Variants in ZNF730 observed in about 807,000 individuals in gnomAD.
ZNF730 encodes the protein putative zinc finger protein 730.
ZNF730 carries 12 observed loss-of-function variants against 12.6 expected under a neutral mutation model. That is an observed-to-expected ratio of 0.95 (90% CI 0.61 to 1.54). ZNF730 has a LOEUF of 1.54. Among genes scored for constraint, ZNF730 ranks in the 40% most tolerant of loss-of-function variants. The pLI is 0.00. For missense variants in ZNF730, 643 were observed against 583.5 expected (o/e 1.10, Z -1.05); for synonymous variants, 194 against 195.8 (o/e 0.99, Z 0.08).
At chr19:23,127,906 A>G (rs1176571638) in intron 1 of ZNF730, 1 of 677,466 alleles carries the variant, frequency 1.5e-6, no homozygotes, top group Middle Eastern at 4.3e-4. Flanking sequence ...TAAACTGCCA[A>G]AATATGATGT....
intron 1 of ZNF730, among the ~76,000 whole-genome samples, chr19:23,080,091 A>C (rs1401995168): frequency 6.6e-6 from 1 of 151,918 alleles, no homozygotes; most frequent in Non-Finnish European, 1.5e-5. Context: ...GATTACAGGC[A>C]CGCGCCACCA....
At chr19:23,102,859 C>G (rs1320509206) in intron 1 of ZNF730, among the ~76,000 whole-genome samples, 1 of 152,146 alleles carries the variant, frequency 6.6e-6, no homozygotes, top group Non-Finnish European at 1.5e-5. Context: ...TTTCTTATAG[C>G]TAGGCTTAAA....
intron 3 of ZNF730, among the ~76,000 whole-genome samples, chr19:23,139,580 A>G (rs908944717): frequency 1.3e-4 from 20 of 151,980 alleles, no homozygotes; most frequent in African/African-American, 4.6e-4. Context: ...GCTGGAGTGC[A>G]GTGGCACGAT....
chr19:23,090,469 G>A (rs942369419), intron 1 of ZNF730, among the ~76,000 whole-genome samples: 12 of 152,120 alleles, frequency 7.9e-5, no homozygotes. Context: ...ACTTTTAAAA[G>A]CACTCTGTTT....
At chr19:23,086,661 A>G (rs950453666) in intron 1 of ZNF730, among the ~76,000 whole-genome samples, 3 of 152,166 alleles carry the variant, frequency 2.0e-5, no homozygotes, top group African/African-American at 7.2e-5. Flanking sequence ...TTCTTGTACC[A>G]GTACCATGCT....
chr19:23,080,688 T>C (rs1170763406), intron 1 of ZNF730, among the ~76,000 whole-genome samples: 1 of 151,978 alleles, frequency 6.6e-6, no homozygotes, highest in Non-Finnish European at 1.5e-5. Context: ...CTCTTACTTT[T>C]ATTGCCTGAT....
chr19:23,077,093 CTAAA>C (rs1969874961), intron 1 of ZNF730, among the ~76,000 whole-genome samples: 2 of 152,186 alleles, frequency 1.3e-5, no homozygotes, highest in South Asian at 4.1e-4. Context: ...GAACAGAAAA[CTAAA>C]TACCACATAT....
At chr19:23,130,319 CCTT>C (rs1306963143) in intron 1 of ZNF730, among the ~76,000 whole-genome samples, 4 of 152,170 alleles carry the variant, frequency 2.6e-5, no homozygotes, top group African/African-American at 9.7e-5. Flanking sequence ...ACTTGCTTCT[CCTT>C]GTCTTTTGCC....
intron 1 of ZNF730, chr19:23,123,724 G>A (rs188320612): frequency 6.6e-6 from 1 of 151,940 alleles, no homozygotes; most frequent in Non-Finnish European, 1.5e-5. Flanking sequence ...TTCTGGCCAA[G>A]TTGATCAGTC....
At chr19:23,117,231 T>A in intron 1 of ZNF730, 55 bp downstream of exon 1, 1 of 1,612,926 alleles carries the variant, frequency 6.2e-7, no homozygotes, top group Non-Finnish European at 8.5e-7. Flanking sequence ...TTGGAACCGG[T>A]GGGAAGCGGC....
rs764134109 is a variant in ZNF730, at chr19:23,134,194, C to T, written c.118C>T (p.Leu40=). ...RNVMLDNYRN[L]VFLGIAVSKP... ...TGTAATGTTAGATAACTACAGAAACCTGGTCTTCCTGGGTGAGGATAACTT... is the reference window on the plus strand; with the variant it reads ...TGTAATGTTAGATAACTACAGAAACTTGGTCTTCCTGGGTGAGGATAACTT... The change falls in exon 2 of 4, where the codon CTG becomes TTG. Residue 40 remains leucine, a synonymous_variant. Transcript: ENST00000597761. 8 of 1,607,786 alleles carry T rather than the reference C, an allele frequency of 5.0e-6. No homozygotes were observed. The highest frequency in any genetic ancestry group is 6.8e-6 in the Non-Finnish European group (8 of 1,177,264).
chr19:23,084,969 C>T (rs1024968986), intron 1 of ZNF730, among the ~76,000 whole-genome samples: 1 of 152,100 alleles, frequency 6.6e-6, no homozygotes, highest in African/African-American at 2.4e-5. Context: ...ATTCTTTTAG[C>T]TATATACCCA....
At chr19:23,115,368 A>G (rs937922929), upstream of ZNF730, among the ~76,000 whole-genome samples, 1 of 152,182 alleles carries the variant, frequency 6.6e-6, no homozygotes, top group African/African-American at 2.4e-5. Context: ...AATGATACTA[A>G]TTGCAGAAAT....
At chr19:23,094,356 C>CCCTA (rs1970211434) in intron 1 of ZNF730, among the ~76,000 whole-genome samples, 2 of 148,738 alleles carry the variant, frequency 1.3e-5, no homozygotes, top group African/African-American at 5.0e-5. Context: ...CCATGCCTGG[C>CCCTA]TCTATCTATC....
intron 3 of ZNF730, among the ~76,000 whole-genome samples, chr19:23,137,214 T>C (rs1422521702): frequency 6.6e-6 from 1 of 152,196 alleles, no homozygotes; most frequent in East Asian, 1.9e-4. Context: ...TATTTATTCT[T>C]TCCATTAATA....
chr19:23,130,013 C>T (rs1970727745), intron 1 of ZNF730, among the ~76,000 whole-genome samples: 1 of 143,914 alleles, frequency 6.9e-6, no homozygotes, highest in Non-Finnish European at 1.5e-5. Context: ...AAAAAAAAGA[C>T]TTTGGGGGAC....
chr19:23,076,238 G>T (rs1424102222), intron 1 of ZNF730, among the ~76,000 whole-genome samples: 1 of 152,162 alleles, frequency 6.6e-6, no homozygotes, highest in Non-Finnish European at 1.5e-5. Flanking sequence ...TGTTAATCAT[G>T]ATTTTACACA....
At chr19:23,085,551 G>A (rs1046823723) in intron 1 of ZNF730, among the ~76,000 whole-genome samples, 20 of 116,452 alleles carry the variant, frequency 1.7e-4, no homozygotes, top group African/African-American at 6.0e-4. Context: ...GTCTTGCTCT[G>A]TCACCGAGGC....
chr19:23,079,220 C>T (rs2145430788), intron 1 of ZNF730, among the ~76,000 whole-genome samples: 1 of 152,252 alleles, frequency 6.6e-6, no homozygotes, highest in South Asian at 2.1e-4. Context: ...CGCAGCGGTG[C>T]GACCTTGGCT....
Sources: gnomAD v4.1 joint callset for allele counts (sites outside exome capture counted in the v4.1 genomes callset) on GRCh38, gnomAD v4.1.1 for gene constraint, MANE v1.5 for transcripts, NCBI Gene and HGNC (gene_info 2026-07-23, HGNC 2026-07-21) for gene names.